The following DEAF1 variants were observed in gnomAD, a reference collection of about 807,000 sequenced individuals.
DEAF1 encodes the protein deformed epidermal autoregulatory factor 1 homolog.
In DEAF1, 53 loss-of-function variants were observed where a neutral mutation model predicts 58.9. The observed-to-expected ratio is 0.90, with a 90% CI of 0.72 to 1.13. DEAF1 has a LOEUF of 1.13. Ranked by LOEUF, DEAF1 falls within the 50% of genes most tolerant of loss-of-function variation. The pLI, the probability that DEAF1 is intolerant of heterozygous loss-of-function variation, is 0.00. For missense variants in DEAF1, 685 were observed against 791.4 expected, an observed-to-expected ratio of 0.87 and a Z score of 1.61; for synonymous variants, 385 against 340.4, an observed-to-expected ratio of 1.13 and a Z score of -1.44.
At chr11:664,274 GA>G (rs949080794) in intron 10 of DEAF1, among the ~76,000 whole-genome samples, 49 of 142,950 alleles carry the variant, frequency 3.4e-4, no homozygotes, top group East Asian at 2.4e-3. Context: ...CCAGAGAAAA[GA>G]AAAAAAAAAA....
At chr11:677,115 C>A (rs1860117278) in intron 9 of DEAF1, among the ~76,000 whole-genome samples, 1 of 150,748 alleles carries the variant, frequency 6.6e-6, no homozygotes, top group Admixed American at 6.6e-5. Flanking sequence ...TTCACCAACA[C>A]CCACCCCACA....
At chr11:696,674 G>C (rs527960378), upstream of DEAF1, among the ~76,000 whole-genome samples, 7 of 147,058 alleles carry the variant, frequency 4.8e-5, no homozygotes, top group African/African-American at 1.8e-4. Context: ...GCTGAGGCTG[G>C]CGGATCACTT....
rs1406656996 is a variant in DEAF1 at position 658,505 on chromosome 11, C to T, written c.1504-4454G>A. 1.1e-4 allele frequency among the ~76,000 whole-genome samples: 16 copies of T among 152,260 alleles called. No homozygotes were observed. In the East Asian group the frequency reaches 2.7e-3, roughly 26 times the overall value. ...TGCAGAAGGTTAGGACAAGACACCG[C>T]GTTTCCGCAGCCAAGGACATCGACA... is the stretch of plus-strand genomic sequence containing the variant. On this transcript the variant is annotated intron_variant, in intron 10 of 11. Transcript: ENST00000382409.
intron 1 of DEAF1, among the ~76,000 whole-genome samples, chr11:702,729 C>A (rs1861552480): frequency 1.3e-5 from 2 of 152,254 alleles, no homozygotes; most frequent in South Asian, 4.1e-4. Flanking sequence ...GCAGGGGCAC[C>A]TCCCCCAGGA....
At chr11:698,085 A>C (rs1861280704), upstream of DEAF1, 1 of 152,238 alleles carries the variant, frequency 6.6e-6, no homozygotes, top group Admixed American at 6.5e-5. Context: ...CTTTTATGAG[A>C]GGTTTCCACC....
At chr11:699,845 G>A (rs1265376232), upstream of DEAF1, 3 of 351,594 alleles carry the variant, frequency 8.5e-6, no homozygotes, top group African/African-American at 6.3e-5. Flanking sequence ...GCCAGTGTGT[G>A]GAGGCTGTCC....
intron 11 of DEAF1, among the ~76,000 whole-genome samples, chr11:647,416 C>T (rs1438113454): frequency 6.6e-6 from 1 of 152,182 alleles, no homozygotes; most frequent in Non-Finnish European, 1.5e-5. Context: ...GATCGCGCCG[C>T]TGCACTCCAG....
chr11:701,677 G>A lies in DEAF1; in HGVS notation c.-438+4895C>T, dbSNP rs188813851. The stretch of plus-strand genomic sequence containing the variant: ...GCCCACCTCGGCCTCCCAAAGTGCT[G>A]GGATTACAGGCGTGAGCCACCGCGC... On this transcript the variant is annotated intron_variant, in intron 1 of 11. Coordinates refer to the DEAF1 transcript ENST00000683307. Among the ~76,000 whole-genome samples, 466 of 152,188 alleles carry A rather than the reference G, an allele frequency of 3.1e-3. 2 individuals carry two copies. Among genetic ancestry groups the A allele is most frequent in the African/African-American group, 0.011 (444 of 41,510 alleles).
intron 1 of DEAF1, chr11:700,974 C>A: frequency 2.3e-6 from 1 of 439,576 alleles, no homozygotes; most frequent in East Asian, 3.6e-5. Context: ...GGTAATGGCA[C>A]TGAGATCAGA....
At chr11:651,872 C>T (rs143438289) in intron 11 of DEAF1, among the ~76,000 whole-genome samples, 2,419 of 152,230 alleles carry the variant, frequency 0.016, 57 homozygotes, top group African/African-American at 0.055. Flanking sequence ...GGCGACAGAG[C>T]GAGACTCCGT....
intron 11 of DEAF1, among the ~76,000 whole-genome samples, chr11:652,589 G>A (rs1463123252): frequency 6.6e-6 from 1 of 151,976 alleles, no homozygotes; most frequent in Non-Finnish European, 1.5e-5. Flanking sequence ...AGTGAGCCGA[G>A]ATCTTGCCAC....
intron 10 of DEAF1, among the ~76,000 whole-genome samples, chr11:667,912 C>T (rs1486125882): frequency 1.3e-5 from 2 of 151,994 alleles, no homozygotes; most frequent in Non-Finnish European, 2.9e-5. Context: ...AGGAGTTCAA[C>T]ACCAGCCTGA....
intron 4 of DEAF1, among the ~76,000 whole-genome samples, chr11:687,550 C>T (rs887228601): frequency 8.5e-5 from 13 of 152,324 alleles, no homozygotes; most frequent in Non-Finnish European, 1.2e-4. Context: ...AGTGCAGTGG[C>T]GTGATCTCAG....
chr11:684,997 A>G, intron 5 of DEAF1, 34 bp from the exon 6 acceptor site: 1 of 1,522,072 alleles, frequency 6.6e-7, no homozygotes, highest in Non-Finnish European at 8.9e-7. Context: ...TGCATTAGCA[A>G]GTCAGCCCCT....
intron 10 of DEAF1, among the ~76,000 whole-genome samples, chr11:663,456 A>C (rs562277859): frequency 3.9e-5 from 6 of 152,234 alleles, no homozygotes; most frequent in Non-Finnish European, 8.8e-5. Flanking sequence ...ACAACAACAA[A>C]AGACTGCCTC....
intron 11 of DEAF1, among the ~76,000 whole-genome samples, chr11:652,741 T>C (rs1352205103): frequency 1.3e-5 from 2 of 151,578 alleles, no homozygotes; most frequent in Non-Finnish European, 2.9e-5. Context: ...CAGGACAAAA[T>C]ATAGACCAGC....
At chr11:659,365 C>A (rs566826169) in intron 10 of DEAF1, among the ~76,000 whole-genome samples, 14 of 152,036 alleles carry the variant, frequency 9.2e-5, no homozygotes, top group Non-Finnish European at 2.1e-4. Context: ...TGCACTCCAG[C>A]CTGGGTGACA....
At chr11:656,717 C>T (rs983152564) in intron 10 of DEAF1, among the ~76,000 whole-genome samples, 1 of 152,234 alleles carries the variant, frequency 6.6e-6, no homozygotes, top group Non-Finnish European at 1.5e-5. Context: ...CACACCAGGA[C>T]GTCCTGTACT....
At chr11:678,508 CTG>C in intron 9 of DEAF1, 184 bp downstream of exon 9, 2 of 819,970 alleles carry the variant, frequency 2.4e-6, no homozygotes, top group Non-Finnish European at 2.0e-6. Context: ...ATGGACGTGG[CTG>C]TGTGTCAGTA....
Sources: gnomAD v4.1 joint callset for allele counts (sites outside exome capture counted in the v4.1 genomes callset) on GRCh38, gnomAD v4.1.1 for gene constraint, MANE v1.5 for transcripts, NCBI Gene and HGNC (gene_info 2026-07-23, HGNC 2026-07-21) for gene names.